Variants in LUZP2 observed in about 807,000 individuals in gnomAD.
LUZP2 encodes the protein leucine zipper protein 2.
A neutral mutation model predicts 51.6 loss-of-function variants in LUZP2; 52 were observed. The ratio of observed to expected loss-of-function variants is 1.01; its 90% CI spans 0.81 to 1.27. LUZP2 has a LOEUF of 1.27. Ranked by LOEUF, LUZP2 falls within the 50% of genes most tolerant of loss-of-function variation. The probability of loss-of-function intolerance (pLI) is 0.00; values close to 1 mark genes in which losing one functional copy is unlikely to be tolerated. For synonymous variants in LUZP2, 154 were observed against 137.3 expected, an observed-to-expected ratio of 1.12 and a Z score of -0.85; for missense variants, 436 against 395.4, an observed-to-expected ratio of 1.10 and a Z score of -0.87.
At chr11:24,667,195 T>G (rs1856244173) in intron 1 of LUZP2, among the ~76,000 whole-genome samples, 1 of 149,998 alleles carries the variant, frequency 6.7e-6, no homozygotes, top group Admixed American at 6.6e-5. Flanking sequence ...TTTTTTTTTT[T>G]TTTTTTGAGA....
intron 1 of LUZP2, among the ~76,000 whole-genome samples, chr11:24,711,263 C>A (rs1013665290): frequency 2.9e-5 from 4 of 137,064 alleles, no homozygotes; most frequent in Non-Finnish European, 4.8e-5. Flanking sequence ...TCCTGGCTAA[C>A]ACGGTGAAAC....
At chr11:24,733,814 G>T (rs1858823917) in intron 3 of LUZP2, among the ~76,000 whole-genome samples, 1 of 151,612 alleles carries the variant, frequency 6.6e-6, no homozygotes, top group African/African-American at 2.4e-5. Flanking sequence ...TTTTTATAGA[G>T]TATCTCAGGT....
intron 7 of LUZP2, among the ~76,000 whole-genome samples, chr11:24,959,183 T>G (rs1454950556): frequency 6.6e-6 from 1 of 152,112 alleles, no homozygotes; most frequent in Admixed American, 6.5e-5. Context: ...TGAAGTCAGG[T>G]AGTGTGATGC....
At chr11:24,654,838 T>G (rs1369835733) in intron 1 of LUZP2, among the ~76,000 whole-genome samples, 2 of 151,782 alleles carry the variant, frequency 1.3e-5, no homozygotes, top group African/African-American at 2.4e-5. Flanking sequence ...TTTTTTTTTT[T>G]GTAACCTTTT....
intron 9 of LUZP2, among the ~76,000 whole-genome samples, chr11:25,037,871 C>A (rs1857913480): frequency 6.6e-6 from 1 of 151,950 alleles, no homozygotes; most frequent in Non-Finnish European, 1.5e-5. Flanking sequence ...CCTGCCCCTT[C>A]TCTCTAGCTG....
intron 1 of LUZP2, among the ~76,000 whole-genome samples, chr11:24,623,366 TA>T (rs560137222): frequency 1.7e-4 from 26 of 152,336 alleles, no homozygotes; most frequent in African/African-American, 6.3e-4. Flanking sequence ...CTACTCATAG[TA>T]AAAGTATGTT....
chr11:24,963,930 T>A (rs1436677601), intron 7 of LUZP2, among the ~76,000 whole-genome samples: 1 of 152,176 alleles, frequency 6.6e-6, no homozygotes, highest in African/African-American at 2.4e-5. Flanking sequence ...CAGGTTGATG[T>A]CTTAAATTGA....
At position 24,976,634 on chromosome 11, in the gene LUZP2, A is replaced by G. The variant is rs199854540; in HGVS notation, c.566A>G (p.Lys189Arg). 119 of 1,596,480 alleles carry G rather than the reference A, an allele frequency of 7.5e-5. No homozygotes were observed. The African/African-American group carries it at 1.5e-3, about 20-fold the overall frequency. Residue 189 changes from lysine to arginine, a missense_variant, in exon 8 of 12, where the codon AAA (lysine) becomes AGA (arginine). Lys to Arg is a conservative substitution (Grantham distance 26, BLOSUM62 2). Coordinates refer to ENST00000336930, the MANE Select transcript of LUZP2 (RefSeq NM_001009909.4). ...TDLEQKLAVA[K>R]NELEKAALDR... The stretch of plus-strand genomic sequence containing the variant: ...CTGGAACAAAAATTAGCTGTAGCCA[A>G]AAATGAACTGGAGAAAGCAGCTCTT...
Position 25,082,630 on chromosome 11 carries a change from T to C in LUZP2, c.*3972T>C, listed in dbSNP as rs1859484675. The C allele has an allele frequency of 1.3e-5, 2 of 152,200 alleles. No homozygotes were observed. Among genetic ancestry groups the C allele is most frequent in the South Asian group, 4.1e-4 (2 of 4,830 alleles). 9.4% of individuals were successfully genotyped at this position (152,200 alleles called of 1,614,324 possible). On this transcript the variant is annotated 3_prime_UTR_variant, in exon 12 of 12. Coordinates refer to ENST00000336930, the MANE Select transcript of LUZP2 (RefSeq NM_001009909.4). ...GCCTATTTTTGTTCAATAAAGATTG[T>C]TACAAGAATACAATGTATATTATCT...
rs74957396 is a variant in LUZP2, at chr11:24,511,426, A to C, written c.62+14121A>C. ...TAATTAAAAAATAAAAAAAAATACA[A>C]TGGCAAGATTTTGGATTAGAATCAC... On this transcript the variant is annotated intron_variant, in intron 1 of 11. Coordinates refer to ENST00000336930, the MANE Select transcript of LUZP2 (RefSeq NM_001009909.4). Among the ~76,000 whole-genome samples, 1,197 of 152,050 alleles carry C rather than the reference A, an allele frequency of 7.9e-3. 8 individuals are homozygous for C. The highest frequency in any genetic ancestry group is 0.026 in the African/African-American group (1,065 of 41,544).
At chr11:24,755,241 C>T (rs1418729421) in intron 4 of LUZP2, among the ~76,000 whole-genome samples, 1 of 152,042 alleles carries the variant, frequency 6.6e-6, no homozygotes, top group Non-Finnish European at 1.5e-5. Context: ...CTGATAATAC[C>T]AATGTACAAA....
chr11:24,574,584 A>G (rs1056735801), intron 1 of LUZP2, among the ~76,000 whole-genome samples: 1 of 152,100 alleles, frequency 6.6e-6, no homozygotes, highest in Non-Finnish European at 1.5e-5. Context: ...CTACTACAAT[A>G]GAGGAGAGAT....
intron 7 of LUZP2, among the ~76,000 whole-genome samples, chr11:24,949,669 AT>A (rs2133861441): frequency 6.6e-6 from 1 of 151,686 alleles, no homozygotes; most frequent in Admixed American, 6.6e-5. Flanking sequence ...TTTGAATGAA[AT>A]TTTATACATG....
chr11:25,023,407 T>A (rs112093134), intron 9 of LUZP2, among the ~76,000 whole-genome samples: 71,635 of 151,888 alleles, frequency 0.47, 17,376 homozygotes, highest in Non-Finnish European at 0.51. Flanking sequence ...CCATTTCTTC[T>A]AGATTTTCTA....
At chr11:25,077,521 A>T (rs1245381884) in intron 11 of LUZP2, 115 bp downstream of exon 11, 3 of 327,650 alleles carry the variant, frequency 9.2e-6, no homozygotes, top group Non-Finnish European at 9.3e-6. Context: ...TTTTTTTGAG[A>T]CAGAGTCTTG....
chr11:24,895,153 T>A (rs776568407), intron 5 of LUZP2, among the ~76,000 whole-genome samples: 49 of 152,104 alleles, frequency 3.2e-4, no homozygotes, highest in African/African-American at 1.2e-3. Context: ...TCTCACCATA[T>A]TTTAGGAAGT....
intron 10 of LUZP2, among the ~76,000 whole-genome samples, chr11:25,050,398 G>T (rs1051582632): frequency 3.0e-5 from 4 of 134,974 alleles, no homozygotes; most frequent in Non-Finnish European, 4.6e-5. Context: ...GCCGCCTCCC[G>T]GGTTCACGCC....
intron 1 of LUZP2, among the ~76,000 whole-genome samples, chr11:24,532,053 AG>A (rs1564973446): frequency 1.3e-5 from 2 of 150,950 alleles, no homozygotes; most frequent in African/African-American, 4.8e-5. Context: ...CAATCAGGGC[AG>A]GAAAGAAAAT....
At chr11:24,913,436 T>C (rs756245936) in intron 6 of LUZP2, among the ~76,000 whole-genome samples, 3 of 152,168 alleles carry the variant, frequency 2.0e-5, no homozygotes, top group Admixed American at 6.6e-5. Context: ...TAAACATATA[T>C]GCTTTATCTA....
Sources: gnomAD v4.1 joint callset for allele counts (sites outside exome capture counted in the v4.1 genomes callset) on GRCh38, gnomAD v4.1.1 for gene constraint, MANE v1.5 for transcripts, NCBI Gene and HGNC (gene_info 2026-07-23, HGNC 2026-07-21) for gene names.